Variants in FGF12 observed in about 807,000 individuals in gnomAD.
The protein encoded by FGF12 is fibroblast growth factor 12.
In FGF12, 14 loss-of-function variants were observed where a neutral mutation model predicts 23.6. The ratio of observed to expected loss-of-function variants is 0.59; its 90% CI spans 0.39 to 0.93. The LOEUF (loss-of-function observed/expected upper bound fraction) is 0.93. Among genes scored for constraint, FGF12 ranks in the 40% least tolerant of loss-of-function variants. The pLI is 0.00. For synonymous variants in FGF12, 62 were observed against 77.3 expected (o/e 0.80, Z 1.04); for missense variants, 175 against 217.8 (o/e 0.80, Z 1.24).
intron 2 of FGF12, among the ~76,000 whole-genome samples, chr3:192,723,203 G>T (rs185960362): frequency 6.6e-6 from 1 of 152,182 alleles, no homozygotes; most frequent in African/African-American, 2.4e-5. Flanking sequence ...GTAAGTGATT[G>T]GAGGATGAGC....
chr3:192,295,184 C>T (rs1017144854), intron 4 of FGF12, among the ~76,000 whole-genome samples: 2 of 152,240 alleles, frequency 1.3e-5, no homozygotes, highest in Non-Finnish European at 2.9e-5. Flanking sequence ...TCTAAGAGAA[C>T]TGCCTAGAGC....
intron 2 of FGF12, among the ~76,000 whole-genome samples, chr3:192,699,003 A>G (rs1384214526): frequency 6.6e-6 from 1 of 152,222 alleles, no homozygotes; most frequent in Non-Finnish European, 1.5e-5. Flanking sequence ...ATATGTCATG[A>G]AAGAGTTGTC....
At chr3:192,273,823 G>A (rs1247220148) in intron 4 of FGF12, among the ~76,000 whole-genome samples, 1 of 151,934 alleles carries the variant, frequency 6.6e-6, no homozygotes, top group Non-Finnish European at 1.5e-5. Flanking sequence ...TGAGGAACTG[G>A]TTTGTCTGCT....
chr3:192,550,862 G>A (rs1412011859), intron 2 of FGF12, among the ~76,000 whole-genome samples: 1 of 151,998 alleles, frequency 6.6e-6, no homozygotes, highest in East Asian at 1.9e-4. Context: ...TTAAAGATAC[G>A]AATACCTTTT....
intron 2 of FGF12, among the ~76,000 whole-genome samples, chr3:192,545,553 G>A (rs1438255657): frequency 6.6e-6 from 1 of 152,176 alleles, no homozygotes; most frequent in Non-Finnish European, 1.5e-5. Context: ...GCTATAGCTT[G>A]TCTCAGCTGG....
intron 4 of FGF12, among the ~76,000 whole-genome samples, chr3:192,226,514 C>T (rs1032298631): frequency 6.6e-6 from 1 of 152,100 alleles, no homozygotes; most frequent in Non-Finnish European, 1.5e-5. Context: ...ATAATGCACA[C>T]ACAAAACCCA....
chr3:192,619,038 G>A (rs1211359041), intron 2 of FGF12, among the ~76,000 whole-genome samples: 1 of 151,716 alleles, frequency 6.6e-6, no homozygotes, highest in Non-Finnish European at 1.5e-5. Context: ...CAAGGGATTG[G>A]TAAATGTTTG....
chr3:192,639,120 C>A (rs1715694481), intron 2 of FGF12, among the ~76,000 whole-genome samples: 5 of 151,992 alleles, frequency 3.3e-5, no homozygotes, highest in Admixed American at 3.3e-4. Flanking sequence ...AACAAATAAC[C>A]TGATTTTAAA....
intron 2 of FGF12, among the ~76,000 whole-genome samples, chr3:192,726,275 C>A (rs1719211127): frequency 6.6e-6 from 1 of 152,166 alleles, no homozygotes; most frequent in Non-Finnish European, 1.5e-5. Flanking sequence ...AAGTTGACAT[C>A]ATTTCTTCTG....
chr3:192,710,353 T>TG (rs1338663875), intron 2 of FGF12, among the ~76,000 whole-genome samples: 1 of 152,222 alleles, frequency 6.6e-6, no homozygotes, highest in African/African-American at 2.4e-5. Flanking sequence ...CATTCCTACT[T>TG]GAAACATAAT....
At chr3:192,642,605 A>C (rs1295570342) in intron 2 of FGF12, among the ~76,000 whole-genome samples, 1 of 152,246 alleles carries the variant, frequency 6.6e-6, no homozygotes, top group Non-Finnish European at 1.5e-5. Context: ...TACTTATTCA[A>C]CAAATAAGGT....
At chr3:192,291,973 T>C (rs899577517) in intron 4 of FGF12, among the ~76,000 whole-genome samples, 7 of 152,210 alleles carry the variant, frequency 4.6e-5, no homozygotes, top group African/African-American at 9.6e-5. Context: ...CTAACCCAAT[T>C]TGAAATGCCA....
intron 5 of FGF12, among the ~76,000 whole-genome samples, chr3:192,148,398 G>C (rs1208694101): frequency 6.6e-6 from 1 of 152,170 alleles, no homozygotes; most frequent in Non-Finnish European, 1.5e-5. Flanking sequence ...GATACCCAGA[G>C]TAGTCAAGTT....
chr3:192,477,101 G>A lies in FGF12; in HGVS notation c.14-116563C>T, dbSNP rs77171001. 9.1e-3 allele frequency among the ~76,000 whole-genome samples: 1,390 copies of A among 152,302 alleles called. 14 individuals carry two copies. The highest frequency in any genetic ancestry group is 0.03 in the African/African-American group (1,227 of 41,572). On this transcript the variant is annotated intron_variant, in intron 2 of 5. Transcript: ENST00000445105. ...GTACTAGCTTAACGGAAAAAGAAGA[G>A]AGAGGGGCTACCCAAATCCAGGGGA...
At chr3:192,313,455 T>C (rs1716064017) in intron 4 of FGF12, among the ~76,000 whole-genome samples, 2 of 152,194 alleles carry the variant, frequency 1.3e-5, no homozygotes, top group South Asian at 4.1e-4. Flanking sequence ...TCCCATCTAT[T>C]GAAATCGAAG....
intron 4 of FGF12, among the ~76,000 whole-genome samples, chr3:192,196,020 C>G (rs1717050160): frequency 6.6e-6 from 1 of 152,180 alleles, no homozygotes; most frequent in African/African-American, 2.4e-5. Context: ...CCCCCTTCCC[C>G]CAACCACCCC....
At chr3:192,648,034 A>T (rs1357810306) in intron 2 of FGF12, among the ~76,000 whole-genome samples, 1 of 145,204 alleles carries the variant, frequency 6.9e-6, no homozygotes, top group African/African-American at 2.4e-5. Context: ...CAAAGGGTCA[A>T]AATGAGGCTT....
At chr3:192,178,644 G>A (rs950455457) in intron 4 of FGF12, among the ~76,000 whole-genome samples, 11 of 152,030 alleles carry the variant, frequency 7.2e-5, no homozygotes, top group Admixed American at 3.3e-4. Context: ...GATTACAGGC[G>A]CCTGCCACCA....
chr3:192,520,294 T>C (rs1724785364), intron 2 of FGF12, among the ~76,000 whole-genome samples: 1 of 152,220 alleles, frequency 6.6e-6, no homozygotes, highest in East Asian at 1.9e-4. Context: ...GTTCATTTTA[T>C]TTTTTGCCTT....
Sources: allele counts gnomAD v4.1 joint callset (sites outside exome capture counted in the v4.1 genomes callset), GRCh38; gene constraint gnomAD v4.1.1; transcripts MANE v1.5; gene names NCBI Gene and HGNC (gene_info 2026-07-23, HGNC 2026-07-21).